Variants in TBCD observed in about 807,000 individuals in gnomAD.
TBCD encodes tubulin folding cofactor D.
A neutral mutation model predicts 169.3 loss-of-function variants in TBCD; 105 were observed. The ratio of observed to expected loss-of-function variants is 0.62; its 90% CI spans 0.53 to 0.73. The LOEUF (loss-of-function observed/expected upper bound fraction) is 0.73, where lower values mean the gene tolerates loss of function less well. TBCD is among the 30% of genes least tolerant of loss of function. TBCD has a pLI of 0.00. For synonymous variants in TBCD, 700 were observed against 643.9 expected (o/e 1.09, Z -1.32); for missense variants, 1,444 against 1,600.1 (o/e 0.90, Z 1.66).
chr17:82,830,498 C>T (rs762687130), intron 13 of TBCD: 6 of 1,613,632 alleles, frequency 3.7e-6, no homozygotes, highest in Non-Finnish European at 5.1e-6. Context: ...GCCCCGTCAC[C>T]GTCGAGGCTG....
intron 13 of TBCD, among the ~76,000 whole-genome samples, chr17:82,849,865 G>A (rs116594825): frequency 0.016 from 2,459 of 152,284 alleles, 85 homozygotes; most frequent in African/African-American, 0.056. Context: ...CCCGTGCGCG[G>A]CAGCTCTTGA....
chr17:82,906,122 C>G, intron 20 of TBCD, 69 bp downstream of exon 20: 1 of 1,226,840 alleles, frequency 8.2e-7, no homozygotes. Flanking sequence ...AATCACAGTG[C>G]TCTCCAGTTC....
chr17:82,862,962 G>A (rs981591727), intron 13 of TBCD, among the ~76,000 whole-genome samples: 8 of 152,224 alleles, frequency 5.3e-5, no homozygotes, highest in African/African-American at 1.9e-4. Context: ...GGCTGCCCCT[G>A]CTTGGTCTTG....
chr17:82,813,266 G>A (rs2051589949), intron 12 of TBCD, among the ~76,000 whole-genome samples: 1 of 151,888 alleles, frequency 6.6e-6, no homozygotes, highest in Admixed American at 6.6e-5. Flanking sequence ...CTCTTTACCC[G>A]CCTCCTCTCT....
In TBCD at chr17:82,835,998, C is replaced by T. The variant is rs2053938174; in HGVS notation, c.1318+21064C>T. The stretch of plus-strand genomic sequence containing the variant: ...GACCCCGCGCTCAGCACCCGTCTCC[C>T]ACCGTGGGCTGCCACAGAAGCTACA... On this transcript the variant is annotated intron_variant, in intron 13 of 38. Coordinates refer to ENST00000355528, the MANE Select transcript of TBCD (RefSeq NM_005993.5). This position sits in a 1 kb window ranked among gnomAD's most constrained non-coding sequence, Gnocchi z 4.5. Among the ~76,000 whole-genome samples the T allele has an allele frequency of 6.6e-6, 1 of 152,230 alleles. No individual in the cohort carries two copies. Among genetic ancestry groups the T allele is most frequent in the Admixed American group, 6.5e-5 (1 of 15,292 alleles).
chr17:82,861,575 C>A (rs560569357), intron 13 of TBCD, among the ~76,000 whole-genome samples: 1 of 152,338 alleles, frequency 6.6e-6, no homozygotes, highest in African/African-American at 2.4e-5. Context: ...GCCATGTGTC[C>A]GGAGAGGGCT....
chr17:82,876,886 G>A (rs1301606466), intron 14 of TBCD: 1 of 810,380 alleles, frequency 1.2e-6, no homozygotes, highest in Non-Finnish European at 1.5e-6. Context: ...AGAGGGAGCC[G>A]GGAGTGCCTG....
At chr17:82,772,326 G>A in intron 5 of TBCD, 126 bp from the exon 6 acceptor site, 1 of 937,718 alleles carries the variant, frequency 1.1e-6, no homozygotes, top group Non-Finnish European at 1.7e-6. Context: ...ACTTAGGCCT[G>A]TGCTGGTAAG....
rs975192135 is a variant in TBCD, at chr17:82,889,543, T to G, written c.1534-125T>G. On this transcript the variant is annotated intron_variant, in intron 15 of 38. Coordinates refer to ENST00000355528, the MANE Select transcript of TBCD (RefSeq NM_005993.5). This position sits in a 1 kb window ranked among gnomAD's most constrained non-coding sequence, Gnocchi z 5.3. ...CCTTGAGGCTCTGTTCAGCCAACAATGAGGGCTTTTATTTAAAAAATAAAG... is the reference window on the plus strand; with the variant it reads ...CCTTGAGGCTCTGTTCAGCCAACAAGGAGGGCTTTTATTTAAAAAATAAAG... 8.6e-7 allele frequency: 1 copy of G among 1,160,214 alleles called. No homozygotes were observed. Among genetic ancestry groups the G allele is most frequent in the Non-Finnish European group, 1.3e-6 (1 of 799,282 alleles). 71.9% of individuals were successfully genotyped at this position (1,160,214 alleles called of 1,614,324 possible). A position where few individuals can be genotyped will look rare whatever the true frequency, so the allele number is the denominator to read the frequency against.
At chr17:82,753,798 A>G (rs1291715497) in intron 1 of TBCD, among the ~76,000 whole-genome samples, 1 of 150,736 alleles carries the variant, frequency 6.6e-6, no homozygotes, top group East Asian at 2.0e-4. Context: ...TTGATTTGTC[A>G]GGGCAGGGGA....
At chr17:82,753,146 TAAG>T (rs1159940823) in intron 1 of TBCD, among the ~76,000 whole-genome samples, 1 of 152,212 alleles carries the variant, frequency 6.6e-6, no homozygotes, top group African/African-American at 2.4e-5. Context: ...ACCCTTTGAG[TAAG>T]AAGAACTTTT....
intron 9 of TBCD, 75 bp from the exon 10 acceptor site, chr17:82,805,800 C>T: frequency 1.3e-6 from 2 of 1,507,340 alleles, no homozygotes; most frequent in Non-Finnish European, 1.8e-6. Flanking sequence ...TTCAAAGTGA[C>T]ACTGAATGAC....
intron 14 of TBCD, chr17:82,877,054 T>G: frequency 1.2e-6 from 1 of 821,930 alleles, no homozygotes; most frequent in Non-Finnish European, 1.5e-6. Flanking sequence ...GTTCCACACT[T>G]TAAATATAGT....
Position 82,930,120 on chromosome 17 carries a change from C to T in TBCD, c.2992-402C>T, listed in dbSNP as rs1372811637. 14 of 274,604 alleles carry T rather than the reference C, an allele frequency of 5.1e-5. No individual in the cohort carries two copies. Among genetic ancestry groups the T allele is most frequent in the East Asian group, 9.4e-5 (1 of 10,640 alleles). The allele number at this position is 274,604 out of a possible 1,614,324, so 17.0% of individuals were successfully genotyped here. ...GCCCCAGGACGTGAGGTGCCCTCTGCGCCGTGCGGGCGCGTGCGGGGAGAC... is the reference window on the plus strand; with the variant it reads ...GCCCCAGGACGTGAGGTGCCCTCTGTGCCGTGCGGGCGCGTGCGGGGAGAC... On this transcript the variant is annotated intron_variant, in intron 32 of 38. Coordinates refer to ENST00000355528, the MANE Select transcript of TBCD (RefSeq NM_005993.5). This position sits in a 1 kb window ranked among gnomAD's most constrained non-coding sequence, Gnocchi z 5.2.
At position 82,797,738 on chromosome 17, in the gene TBCD, T is replaced by C; in HGVS notation, c.772-19T>C. ...CTATTTGTATTTGTAACATTAAAAA[T>C]CTTTTTTTTTTTTTTTAGGCACAAA... On this transcript the variant is annotated intron_variant, in intron 7 of 38. Transcript: ENST00000355528. 7.1e-7 allele frequency: 1 copy of C among 1,399,796 alleles called. No individual in the cohort carries two copies. The allele number at this position is 1,399,796 out of a possible 1,614,324, so 86.7% of individuals were successfully genotyped here.
In TBCD at chr17:82,915,279, G is replaced by A. The variant is rs964434237; in HGVS notation, c.2038+3490G>A. ...GCAGGTGCCCCGGAGGTGTCGAACC[G>A]CAGATTTCTTCAGACGTTTTTTGCA... On this transcript the variant is annotated intron_variant, in intron 23 of 38. Transcript: ENST00000355528. This position sits in a 1 kb window ranked among gnomAD's most constrained non-coding sequence, Gnocchi z 4.3. Among the ~76,000 whole-genome samples the A allele has an allele frequency of 3.3e-5, 5 of 152,166 alleles. No homozygotes were observed. Among genetic ancestry groups the A allele is most frequent in the African/African-American group, 1.2e-4 (5 of 41,436 alleles).
intron 13 of TBCD, among the ~76,000 whole-genome samples, chr17:82,846,320 G>T (rs369031825): frequency 9.6e-6 from 1 of 104,314 alleles, no homozygotes; most frequent in East Asian, 4.3e-4. Flanking sequence ...TGCGTCCAGC[G>T]TGCCGTGTCC....
intron 1 of TBCD, 91 bp downstream of exon 1, chr17:82,752,468 G>A (rs1012051478): frequency 1.2e-5 from 13 of 1,044,742 alleles, no homozygotes; most frequent in Admixed American, 4.9e-5. Flanking sequence ...GCAGCCCGGC[G>A]GCGCCGGCCG....
At chr17:82,888,432 C>T (rs557438815) in intron 15 of TBCD, among the ~76,000 whole-genome samples, 1 of 152,372 alleles carries the variant, frequency 6.6e-6, no homozygotes, top group South Asian at 2.1e-4. Flanking sequence ...ACATGTCTTC[C>T]TAATAGTGTA....
Sources: gnomAD v4.1 joint callset for allele counts (sites outside exome capture counted in the v4.1 genomes callset) on GRCh38, gnomAD v4.1.1 for gene constraint, Gnocchi (gnomAD v3.1) non-coding constraint, MANE v1.5 for transcripts, NCBI Gene and HGNC (gene_info 2026-07-23, HGNC 2026-07-21) for gene names.